Variants in TRPM3 observed in about 807,000 individuals in gnomAD.
TRPM3 encodes the protein transient receptor potential cation channel subfamily M member 3.
In TRPM3, 77 loss-of-function variants were observed where a neutral mutation model predicts 181.2. The observed-to-expected ratio is 0.42, with a 90% confidence interval of 0.35 to 0.51. TRPM3 has a LOEUF of 0.51. TRPM3 is among the 20% of genes least tolerant of loss of function. The pLI, the probability that TRPM3 is intolerant of heterozygous loss-of-function variation, is 0.01. For missense variants in TRPM3, 1,759 were observed against 2,196.7 expected (o/e 0.80, Z 3.98); for synonymous variants, 745 against 796.4 (o/e 0.94, Z 1.09).
At chr9:71,175,878 A>T (rs1389051258) in intron 1 of TRPM3, among the ~76,000 whole-genome samples, 2 of 152,204 alleles carry the variant, frequency 1.3e-5, no homozygotes, top group Non-Finnish European at 2.9e-5. Flanking sequence ...GGTCAACAAC[A>T]GACCATGTAT....
At chr9:70,682,594 A>T (rs1433765566) in intron 8 of TRPM3, among the ~76,000 whole-genome samples, 1 of 152,174 alleles carries the variant, frequency 6.6e-6, no homozygotes, top group African/African-American at 2.4e-5. Context: ...ATAATGGAGT[A>T]TCATTTTGTA....
chr9:71,432,983 A>T (rs943251582), intron 1 of TRPM3, among the ~76,000 whole-genome samples: 1 of 152,240 alleles, frequency 6.6e-6, no homozygotes, highest in Non-Finnish European at 1.5e-5. Context: ...CTAATAATAT[A>T]TAGTATAACT....
At chr9:70,568,845 G>T (rs1459431338) in intron 22 of TRPM3, among the ~76,000 whole-genome samples, 1 of 152,136 alleles carries the variant, frequency 6.6e-6, no homozygotes, top group African/African-American at 2.4e-5. Context: ...TGGGTCAGTG[G>T]CTGTCAACTG....
chr9:70,575,583 C>A (rs927140377), intron 22 of TRPM3, among the ~76,000 whole-genome samples: 2 of 152,116 alleles, frequency 1.3e-5, no homozygotes, highest in South Asian at 2.1e-4. Flanking sequence ...CAATAATATG[C>A]ATGAATGTCT....
In TRPM3 at chr9:71,157,962, C is replaced by T. The variant is rs149124809; in HGVS notation, c.183+288691G>A. On this transcript the variant is annotated intron_variant, in intron 1 of 24. Coordinates refer to the TRPM3 transcript ENST00000357533. ...CAAAAAATGTCTGCATTTGGCACTA[C>T]AGAACAGTTGACTGGGTTAAATGAG... is the stretch of plus-strand genomic sequence containing the variant. 8.3e-4 allele frequency among the ~76,000 whole-genome samples: 126 copies of T among 152,192 alleles called. 1 individual carries two copies. Among genetic ancestry groups the T allele is most frequent in the African/African-American group, 3.0e-3 (126 of 41,556 alleles).
chr9:71,311,278 C>T (rs887210421), intron 1 of TRPM3, among the ~76,000 whole-genome samples: 3 of 152,048 alleles, frequency 2.0e-5, no homozygotes, highest in Non-Finnish European at 4.4e-5. Flanking sequence ...AACATCAGAA[C>T]TAATTTTAAC....
intron 1 of TRPM3, among the ~76,000 whole-genome samples, chr9:70,973,015 C>T (rs2097262185): frequency 6.6e-6 from 1 of 152,092 alleles, no homozygotes; most frequent in Non-Finnish European, 1.5e-5. Flanking sequence ...TTGTGACACT[C>T]ATACTTTCAA....
chr9:70,763,574 A>G (rs2078555236), intron 7 of TRPM3, among the ~76,000 whole-genome samples: 1 of 152,198 alleles, frequency 6.6e-6, no homozygotes, highest in Non-Finnish European at 1.5e-5. Flanking sequence ...GATTATCTTA[A>G]TTATTCTGAA....
chr9:70,654,666 C>A (rs2060032612), intron 9 of TRPM3, among the ~76,000 whole-genome samples: 1 of 150,242 alleles, frequency 6.7e-6, no homozygotes, highest in Non-Finnish European at 1.5e-5. Flanking sequence ...GGAGAATGAC[C>A]CCTTTTTAAG....
At chr9:70,542,314 T>G (rs2043613682) in intron 25 of TRPM3, among the ~76,000 whole-genome samples, 1 of 152,034 alleles carries the variant, frequency 6.6e-6, no homozygotes. Context: ...ACTCCTACAG[T>G]GACTAAGAAA....
chr9:70,737,766 A>C (rs1195630011), intron 8 of TRPM3, among the ~76,000 whole-genome samples: 1 of 152,100 alleles, frequency 6.6e-6, no homozygotes, highest in African/African-American at 2.4e-5. Context: ...AGCAGTTAAA[A>C]AATTCAAAGA....
chr9:71,205,910 A>T (rs2079094718), intron 1 of TRPM3, among the ~76,000 whole-genome samples: 1 of 152,226 alleles, frequency 6.6e-6, no homozygotes, highest in Non-Finnish European at 1.5e-5. Flanking sequence ...TGAAAGAGTC[A>T]CCTCAAAGGA....
At chr9:70,687,015 T>A (rs1258971426) in intron 8 of TRPM3, among the ~76,000 whole-genome samples, 1 of 151,684 alleles carries the variant, frequency 6.6e-6, no homozygotes. Context: ...GAGACAGGGT[T>A]TCACCCCGGG....
In TRPM3 at chr9:71,261,465, G is replaced by A. The variant is rs564028598; in HGVS notation, c.183+185188C>T. On this transcript the variant is annotated intron_variant, in intron 1 of 24. Coordinates refer to the TRPM3 transcript ENST00000357533. ...GGGTTATAACATGCTCCTTTAGCTC[G>A]GAGCCATTTCTCATTACCCACATTC... is the stretch of plus-strand genomic sequence containing the variant. Among the ~76,000 whole-genome samples the A allele has an allele frequency of 9.2e-5, 14 of 152,174 alleles. No homozygotes were observed. The East Asian group carries it at 1.4e-3, about 15-fold the overall frequency.
intron 1 of TRPM3, among the ~76,000 whole-genome samples, chr9:70,908,518 CAATACTGAAA>C (rs2096497261): frequency 6.6e-6 from 1 of 152,152 alleles, no homozygotes; most frequent in Admixed American, 6.5e-5. Flanking sequence ...CTAAGGAAAA[CAATACTGAAA>C]GAAACTAAAT....
chr9:71,005,372 C>A (rs907299037), intron 1 of TRPM3, among the ~76,000 whole-genome samples: 1 of 151,932 alleles, frequency 6.6e-6, no homozygotes, highest in African/African-American at 2.4e-5. Context: ...CACCATTGTA[C>A]TCTAGCCTGG....
At chr9:71,040,454 A>G (rs1259032900) in intron 1 of TRPM3, among the ~76,000 whole-genome samples, 1 of 152,206 alleles carries the variant, frequency 6.6e-6, no homozygotes, top group Non-Finnish European at 1.5e-5. Flanking sequence ...CATGCTGTAT[A>G]TAAAACATTT....
At chr9:71,201,573 C>T (rs1245740375) in intron 1 of TRPM3, among the ~76,000 whole-genome samples, 1 of 152,142 alleles carries the variant, frequency 6.6e-6, no homozygotes, top group East Asian at 1.9e-4. Context: ...TTGTTCGTTT[C>T]TTTTTATTCT....
At chr9:71,062,346 A>AT (rs1049757994) in intron 1 of TRPM3, among the ~76,000 whole-genome samples, 1 of 152,090 alleles carries the variant, frequency 6.6e-6, no homozygotes, top group African/African-American at 2.4e-5. Flanking sequence ...ATGTCTTCAT[A>AT]TTAAGCCAGC....
Sources: allele counts gnomAD v4.1 joint callset (sites outside exome capture counted in the v4.1 genomes callset), GRCh38; gene constraint gnomAD v4.1.1; transcripts MANE v1.5; gene names NCBI Gene and HGNC (gene_info 2026-07-23, HGNC 2026-07-21).